Variants in PTCD2 observed in about 807,000 individuals in gnomAD.
PTCD2 encodes the protein pentatricopeptide repeat domain 2, also known as pentatricopeptide repeat-containing protein 2, mitochondrial.
PTCD2 carries 31 observed loss-of-function variants against 42.6 expected under a neutral mutation model. That is an observed-to-expected ratio of 0.73 (90% confidence interval 0.55 to 0.98). The LOEUF (loss-of-function observed/expected upper bound fraction) is 0.98. PTCD2 is among the 50% of genes least tolerant of loss of function. The pLI, the probability that PTCD2 is intolerant of heterozygous loss-of-function variation, is 0.00. For synonymous variants in PTCD2, 183 were observed against 170.9 expected (o/e 1.07, Z -0.55); for missense variants, 476 against 454.8 (o/e 1.05, Z -0.42).
At chr5:72,320,650 C>CCCACGTGCAACTAGA in intron 1 of PTCD2, 141 bp downstream of exon 1, 1 of 1,222,994 alleles carries the variant, frequency 8.2e-7, no homozygotes, top group Non-Finnish European at 1.1e-6. Flanking sequence ...TCTAGTTGCA[C>CCCACGTGCAACTAGA]GTGGGTGCAG....
intron 3 of PTCD2, among the ~76,000 whole-genome samples, chr5:72,327,581 T>G (rs1048901992): frequency 6.6e-6 from 1 of 151,636 alleles, no homozygotes; most frequent in Non-Finnish European, 1.5e-5. Flanking sequence ...CAAGCAATTC[T>G]CTTGCCTCAG....
In PTCD2 at chr5:72,364,691, G is replaced by A. The variant is rs1040911570; in HGVS notation, c.*6264G>A. On this transcript the variant is annotated 3_prime_UTR_variant, in exon 10 of 10. Coordinates refer to ENST00000380639, the MANE Select transcript of PTCD2 (RefSeq NM_024754.5). ...CATTTCACAGTTTTCTCATAAACTG[G>A]TTGCTGTTTCTGTCCCGGTTTTACA... The A allele has an allele frequency of 6.6e-6, 1 of 152,112 alleles. No individual in the cohort carries two copies. Among genetic ancestry groups the A allele is most frequent in the Admixed American group, 6.5e-5 (1 of 15,268 alleles). 9.4% of individuals were successfully genotyped at this position (152,112 alleles called of 1,614,324 possible).
At chr5:72,340,800 A>T (rs1298352649) in intron 7 of PTCD2, among the ~76,000 whole-genome samples, 1 of 151,622 alleles carries the variant, frequency 6.6e-6, no homozygotes, top group African/African-American at 2.4e-5. Flanking sequence ...TCTAGTATGG[A>T]ATATTGGAGA....
chr5:72,332,264 CT>C (rs1039256924), intron 4 of PTCD2, among the ~76,000 whole-genome samples: 1 of 152,168 alleles, frequency 6.6e-6, no homozygotes, highest in African/African-American at 2.4e-5. Context: ...TAACTCTAGA[CT>C]TGCTCCTATT....
intron 2 of PTCD2, among the ~76,000 whole-genome samples, chr5:72,323,657 G>C (rs1319386623): frequency 6.6e-6 from 1 of 151,800 alleles, no homozygotes; most frequent in Non-Finnish European, 1.5e-5. Flanking sequence ...CTTTGTTTTG[G>C]TTTGTTTTTT....
At chr5:72,323,169 G>A (rs1047411499) in intron 2 of PTCD2, among the ~76,000 whole-genome samples, 3 of 151,980 alleles carry the variant, frequency 2.0e-5, no homozygotes, top group Non-Finnish European at 2.9e-5. Context: ...ATAAATCTGG[G>A]ATTTGCTTTG....
rs1056479343 is a variant in PTCD2 at position 72,359,689 on chromosome 5, T to G, written c.*1262T>G. On this transcript the variant is annotated 3_prime_UTR_variant, in exon 10 of 10. Coordinates refer to ENST00000380639, the MANE Select transcript of PTCD2 (RefSeq NM_024754.5). ...GAGAGTCACAGCTTCAGGTGTTTGC[T>G]GAATCCAGGTCTGAGATCACAATCC... The G allele has an allele frequency of 1.3e-5, 2 of 152,228 alleles. No homozygotes were observed. The highest frequency in any genetic ancestry group is 4.8e-5 in the African/African-American group (2 of 41,450). 9.4% of individuals were successfully genotyped at this position (152,228 alleles called of 1,614,324 possible).
intron 3 of PTCD2, among the ~76,000 whole-genome samples, chr5:72,328,681 T>A (rs919378625): frequency 6.6e-6 from 1 of 152,234 alleles, no homozygotes; most frequent in Non-Finnish European, 1.5e-5. Flanking sequence ...TACATTGTTA[T>A]AGTTATTGCT....
intron 7 of PTCD2, among the ~76,000 whole-genome samples, chr5:72,340,587 T>A (rs1354712103): frequency 6.6e-6 from 1 of 152,244 alleles, no homozygotes; most frequent in Non-Finnish European, 1.5e-5. Context: ...TTGGTGCTAG[T>A]TGTTTTTCCA....
At chr5:72,329,447 A>T (rs1247106830) in intron 3 of PTCD2, among the ~76,000 whole-genome samples, 2 of 152,214 alleles carry the variant, frequency 1.3e-5, no homozygotes, top group Admixed American at 6.5e-5. Context: ...ACCCTCTTGA[A>T]CATTTCTTGT....
intron 8 of PTCD2, among the ~76,000 whole-genome samples, chr5:72,345,989 C>T (rs1752339053): frequency 6.6e-6 from 1 of 152,156 alleles, no homozygotes; most frequent in Non-Finnish European, 1.5e-5. Flanking sequence ...CATCCCACAC[C>T]AGTGCCCAGG....
At position 72,362,384 on chromosome 5, in the gene PTCD2, CA is replaced by C. The variant is rs1335351282; in HGVS notation, c.*3960del. 1 of 152,196 alleles carries C rather than the reference CA, an allele frequency of 6.6e-6. No individual in the cohort carries two copies. The highest frequency in any genetic ancestry group is 1.5e-5 in the Non-Finnish European group (1 of 68,042). The allele number at this position is 152,196 out of a possible 1,614,324, so 9.4% of individuals were successfully genotyped here. ...CAGAAAATGGGCTCTCACTAGACAC[CA>C]AATGCTGGTGTCTTGTTCTTGGATT... On this transcript the variant is annotated 3_prime_UTR_variant, in exon 10 of 10. Coordinates refer to ENST00000380639, the MANE Select transcript of PTCD2 (RefSeq NM_024754.5).
chr5:72,331,127 C>T (rs1247668113), intron 3 of PTCD2, 131 bp from the exon 4 acceptor site: 7 of 661,664 alleles, frequency 1.1e-5, no homozygotes, highest in African/African-American at 9.0e-5. Context: ...CTCCATTTCT[C>T]CCCCTCCAGA....
At chr5:72,325,375 CAAT>C (rs1250274285) in intron 2 of PTCD2, among the ~76,000 whole-genome samples, 5 of 152,168 alleles carry the variant, frequency 3.3e-5, no homozygotes, top group African/African-American at 1.2e-4. Flanking sequence ...AAAATGAGAA[CAAT>C]AATGTTTCTA....
chr5:72,356,307 A>C (rs969041518), intron 9 of PTCD2, among the ~76,000 whole-genome samples: 2 of 152,222 alleles, frequency 1.3e-5, no homozygotes, highest in African/African-American at 4.8e-5. Flanking sequence ...CTTTATATTG[A>C]AAAATACTCA....
intron 8 of PTCD2, among the ~76,000 whole-genome samples, chr5:72,343,628 G>A (rs1752190261): frequency 6.6e-6 from 1 of 152,168 alleles, no homozygotes; most frequent in African/African-American, 2.4e-5. Context: ...GTCTGGGTCA[G>A]CAAGTGGCTG....
rs962927034 is a variant in PTCD2 at position 72,363,134 on chromosome 5, C to A, written c.*4707C>A. 6 of 152,194 alleles carry A rather than the reference C, an allele frequency of 3.9e-5. No homozygotes were observed. The highest frequency in any genetic ancestry group is 3.3e-4 in the Admixed American group (5 of 15,274). The allele number at this position is 152,194 out of a possible 1,614,324, so 9.4% of individuals were successfully genotyped here. A position where few individuals can be genotyped will look rare whatever the true frequency, so the allele number is the denominator to read the frequency against. Reference sequence around the variant, plus strand: ...TACTGAAAACAGGAGTCATGGGAGACTTGATCTTGCTTAAAGGATATTTTA... The same window carrying A: ...TACTGAAAACAGGAGTCATGGGAGAATTGATCTTGCTTAAAGGATATTTTA... On this transcript the variant is annotated 3_prime_UTR_variant, in exon 10 of 10. Transcript: ENST00000380639.
chr5:72,323,356 C>T (rs1403212885), intron 2 of PTCD2, among the ~76,000 whole-genome samples: 1 of 152,040 alleles, frequency 6.6e-6, no homozygotes, highest in Admixed American at 6.5e-5. Context: ...AGAACACCAC[C>T]CTAGGTCTTT....
At chr5:72,331,724 G>A (rs1047251279) in intron 4 of PTCD2, among the ~76,000 whole-genome samples, 26 of 152,074 alleles carry the variant, frequency 1.7e-4, no homozygotes, top group Admixed American at 1.2e-3. Flanking sequence ...ATTCCCTCTC[G>A]ATTTTGTATT....
Sources: allele counts gnomAD v4.1 joint callset (sites outside exome capture counted in the v4.1 genomes callset), GRCh38; gene constraint gnomAD v4.1.1; transcripts MANE v1.5; gene names NCBI Gene and HGNC (gene_info 2026-07-23, HGNC 2026-07-21).